The following TMEM132B variants were observed in gnomAD, a reference collection of about 807,000 sequenced individuals.
TMEM132B encodes the protein transmembrane protein 132B.
TMEM132B carries 18 observed loss-of-function variants against 90.8 expected under a neutral mutation model. The ratio of observed to expected loss-of-function variants is 0.20; its 90% CI spans 0.14 to 0.29. TMEM132B has a LOEUF of 0.29. TMEM132B is among the 10% of genes least tolerant of loss of function. TMEM132B has a pLI of 1.00. For synonymous variants in TMEM132B, 504 were observed against 523.3 expected (o/e 0.96, Z 0.50); for missense variants, 1,096 against 1,326.8 (o/e 0.83, Z 2.70).
chr12:125,404,983 C>A (rs1879424593), intron 2 of TMEM132B, among the ~76,000 whole-genome samples: 2 of 152,208 alleles, frequency 1.3e-5, no homozygotes, highest in African/African-American at 2.4e-5. Context: ...ATAATAAACA[C>A]ACCTGTAGCA....
At chr12:125,335,182 T>G (rs756266167) in intron 1 of TMEM132B, among the ~76,000 whole-genome samples, 2 of 152,248 alleles carry the variant, frequency 1.3e-5, no homozygotes, top group Non-Finnish European at 2.9e-5. Context: ...ACCCCAGGCA[T>G]GGTCCTGACT....
intron 3 of TMEM132B, among the ~76,000 whole-genome samples, chr12:125,474,047 CTTCT>C (rs1257356655): frequency 1.5e-5 from 2 of 131,884 alleles, no homozygotes; most frequent in Non-Finnish European, 3.1e-5. Context: ...TCCTTCCTTC[CTTCT>C]TTCTTTTTCC....
At chr12:125,502,686 T>A (rs1484477875) in intron 3 of TMEM132B, among the ~76,000 whole-genome samples, 1 of 152,232 alleles carries the variant, frequency 6.6e-6, no homozygotes, top group Non-Finnish European at 1.5e-5. Flanking sequence ...TTTATTTGCG[T>A]GTTAACTGTT....
chr12:125,603,202 A>C (rs769022439), intron 5 of TMEM132B, among the ~76,000 whole-genome samples: 2 of 152,216 alleles, frequency 1.3e-5, no homozygotes, highest in Non-Finnish European at 2.9e-5. Context: ...CCTGACTTCA[A>C]ATTATACTAC....
At chr12:125,494,781 CTCCCCCTCT>C (rs2136574612) in intron 3 of TMEM132B, among the ~76,000 whole-genome samples, 3 of 103,244 alleles carry the variant, frequency 2.9e-5, no homozygotes, top group African/African-American at 4.0e-5. Context: ...CGTGTTCCTC[CTCCCCCTCT>C]TCCCCCTCCT....
intron 1 of TMEM132B, among the ~76,000 whole-genome samples, chr12:125,254,802 G>A (rs1874398992): frequency 6.6e-6 from 1 of 151,248 alleles, no homozygotes; most frequent in African/African-American, 2.4e-5. Context: ...TCCTGCCTCA[G>A]CCTCCCAAGT....
chr12:125,642,713 A>C (rs1886661845), intron 5 of TMEM132B, among the ~76,000 whole-genome samples: 1 of 152,206 alleles, frequency 6.6e-6, no homozygotes, highest in African/African-American at 2.4e-5. Context: ...CAGATCTCCC[A>C]ATGAGCAGCC....
At chr12:125,466,248 C>T (rs181485743) in intron 3 of TMEM132B, among the ~76,000 whole-genome samples, 12 of 152,270 alleles carry the variant, frequency 7.9e-5, no homozygotes, top group African/African-American at 2.9e-4. Flanking sequence ...CTGTTTTTTC[C>T]CATTCCTTGT....
chr12:125,485,070 G>A (rs1340388873), intron 3 of TMEM132B, among the ~76,000 whole-genome samples: 1 of 152,142 alleles, frequency 6.6e-6, no homozygotes, highest in Non-Finnish European at 1.5e-5. Context: ...TGGGATGATG[G>A]GGTCCCTTAT....
chr12:125,462,642 G>C (rs1881467091), intron 3 of TMEM132B, among the ~76,000 whole-genome samples: 1 of 152,120 alleles, frequency 6.6e-6, no homozygotes, highest in African/African-American at 2.4e-5. Context: ...GCTGAGGTGT[G>C]GCTGGACTAT....
chr12:125,253,673 G>A (rs1372320793), intron 1 of TMEM132B, among the ~76,000 whole-genome samples: 2 of 151,976 alleles, frequency 1.3e-5, no homozygotes, highest in African/African-American at 2.4e-5. Context: ...AGCTCAAGTG[G>A]TTCTCCTGCC....
intron 3 of TMEM132B, among the ~76,000 whole-genome samples, chr12:125,518,603 A>G (rs1308583635): frequency 2.0e-5 from 3 of 152,210 alleles, no homozygotes; most frequent in Non-Finnish European, 4.4e-5. Flanking sequence ...AACTCTGTTC[A>G]GTGACTTCCC....
intron 1 of TMEM132B, among the ~76,000 whole-genome samples, chr12:125,296,252 C>T (rs1875670343): frequency 6.6e-6 from 1 of 152,232 alleles, no homozygotes; most frequent in Non-Finnish European, 1.5e-5. Context: ...GCTCTGGCCA[C>T]ACTTGTCTCC....
chr12:125,320,285 G>A (rs922848037), intron 1 of TMEM132B, among the ~76,000 whole-genome samples: 8 of 152,360 alleles, frequency 5.3e-5, no homozygotes, highest in Non-Finnish European at 7.3e-5. Context: ...GCTGGCCTAC[G>A]TTAAATTTAG....
chr12:125,291,473 TG>T (rs915698357), intron 1 of TMEM132B, among the ~76,000 whole-genome samples: 14 of 152,326 alleles, frequency 9.2e-5, no homozygotes, highest in Middle Eastern at 3.4e-3. Context: ...TTCTCCATGC[TG>T]GCTCTGAAGA....
At chr12:125,581,337 A>G (rs1481138097) in intron 4 of TMEM132B, among the ~76,000 whole-genome samples, 1 of 152,226 alleles carries the variant, frequency 6.6e-6, no homozygotes, top group Non-Finnish European at 1.5e-5. Flanking sequence ...TTAGTAAAAC[A>G]GTTAATTTTG....
At chr12:125,529,281 G>C (rs1294484438) in intron 4 of TMEM132B, among the ~76,000 whole-genome samples, 1 of 152,026 alleles carries the variant, frequency 6.6e-6, no homozygotes, top group Non-Finnish European at 1.5e-5. Flanking sequence ...ATTTTTTGTA[G>C]AGATGAGGTC....
At chr12:125,644,742 C>T (rs1886716457) in intron 6 of TMEM132B, among the ~76,000 whole-genome samples, 1 of 152,148 alleles carries the variant, frequency 6.6e-6, no homozygotes, top group South Asian at 2.1e-4. Context: ...TTCCCCACCA[C>T]CATCCCGCGC....
rs531286663 is a variant in TMEM132B, at chr12:125,266,402, G to A, written c.67+79536G>A. ...TCTATCACTGCTTTCCCATTCTATC[G>A]CCAGTGGGCACTGGGTATTACCTTC... On this transcript the variant is annotated intron_variant, in intron 1 of 8. Transcript: ENST00000682704. Among the ~76,000 whole-genome samples, 22 of 152,268 alleles carry A rather than the reference G, an allele frequency of 1.4e-4. No homozygotes were observed. The South Asian group carries it at 1.9e-3, about 13-fold the overall frequency.
Sources: gnomAD v4.1 joint callset for allele counts (sites outside exome capture counted in the v4.1 genomes callset) on GRCh38, gnomAD v4.1.1 for gene constraint, MANE v1.5 for transcripts, NCBI Gene and HGNC (gene_info 2026-07-23, HGNC 2026-07-21) for gene names.